MYO3B: variants seen among roughly 807,000 people sequenced by gnomAD.
The protein encoded by MYO3B is myosin-IIIb.
MYO3B carries 156 observed loss-of-function variants against 174.6 expected under a neutral mutation model. That is an observed-to-expected ratio of 0.89 (90% CI 0.78 to 1.02). The LOEUF is 1.02. Among genes scored for constraint, MYO3B ranks in the 50% least tolerant of loss-of-function variants. The probability of loss-of-function intolerance (pLI) is 0.00; values close to 1 mark genes in which losing one functional copy is unlikely to be tolerated. For synonymous variants in MYO3B, 563 were observed against 569.1 expected (o/e 0.99, Z 0.15); for missense variants, 1,632 against 1,639.4 (o/e 1.00, Z 0.08).
At chr2:170,473,139 C>CTTTTTTTTT (rs66837903) in intron 25 of MYO3B, among the ~76,000 whole-genome samples, 18 of 96,450 alleles carry the variant, frequency 1.9e-4, no homozygotes, top group Non-Finnish European at 3.2e-4. Context: ...TTTTTCTTTT[C>CTTTTTTTTT]TTTTTTTTTT....
rs77899803 is a variant in MYO3B at position 170,180,117 on chromosome 2, G to A, written c.2+1828G>A. On this transcript the variant is annotated intron_variant, in intron 1 of 34. Transcript: ENST00000408978. ...GCAAGTTTCTATTTAAATCATGCTC[G>A]CTAGGCTTGACTAACTGCAGACATT... 141 of 404,602 alleles carry A rather than the reference G, an allele frequency of 3.5e-4. 3 individuals are homozygous for A. In the East Asian group the frequency reaches 8.7e-3, roughly 25 times the overall value. The allele number at this position is 404,602 out of a possible 1,614,324, so 25.1% of individuals were successfully genotyped here. A position where few individuals can be genotyped will look rare whatever the true frequency, so the allele number is the denominator to read the frequency against.
In MYO3B at chr2:170,505,184, G is replaced by C. The variant is rs116166529; in HGVS notation, c.3370+3319G>C. 5.5e-3 allele frequency among the ~76,000 whole-genome samples: 838 copies of C among 152,100 alleles called. 9 individuals are homozygous for C. Among genetic ancestry groups the C allele is most frequent in the African/African-American group, 0.019 (770 of 41,458 alleles). The stretch of plus-strand genomic sequence containing the variant: ...AATAAAGGGCCTTTATGAGATGTAG[G>C]GGGGAGAGGGGAGAGGGGAGAGGAA... On this transcript the variant is annotated intron_variant, in intron 28 of 34. Coordinates refer to ENST00000408978, the MANE Select transcript of MYO3B (RefSeq NM_138995.5).
chr2:170,430,979 G>A (rs959994609), intron 22 of MYO3B, among the ~76,000 whole-genome samples: 1 of 152,192 alleles, frequency 6.6e-6, no homozygotes, highest in Non-Finnish European at 1.5e-5. Context: ...TACATCCTTT[G>A]CCTAAATTAT....
At chr2:170,483,418 G>T (rs1177650736) in intron 25 of MYO3B, among the ~76,000 whole-genome samples, 1 of 91,594 alleles carries the variant, frequency 1.1e-5, no homozygotes, top group African/African-American at 7.5e-5. Context: ...ACGGAGTCTA[G>T]CTCTGTCGCC....
At chr2:170,304,599 G>A (rs1387168337) in intron 7 of MYO3B, among the ~76,000 whole-genome samples, 1 of 151,134 alleles carries the variant, frequency 6.6e-6, no homozygotes, top group East Asian at 1.9e-4. Flanking sequence ...CGAGTAGCTG[G>A]GATTATATAG....
At chr2:170,618,271 AG>A (rs542830394) in intron 32 of MYO3B, among the ~76,000 whole-genome samples, 70 of 152,256 alleles carry the variant, frequency 4.6e-4, no homozygotes, top group African/African-American at 1.7e-3. Flanking sequence ...GAATAAGAGG[AG>A]GAAAAGGAAT....
chr2:170,374,515 C>A (rs1220402693), intron 9 of MYO3B, among the ~76,000 whole-genome samples: 1 of 152,112 alleles, frequency 6.6e-6, no homozygotes, highest in East Asian at 1.9e-4. Context: ...GGTTGAGGAA[C>A]TCTTAGATCA....
At chr2:170,278,742 A>G (rs2093482122) in intron 7 of MYO3B, among the ~76,000 whole-genome samples, 1 of 150,058 alleles carries the variant, frequency 6.7e-6, no homozygotes, top group East Asian at 1.9e-4. Context: ...CCATTAACCA[A>G]CCTCTCTTCC....
intron 7 of MYO3B, among the ~76,000 whole-genome samples, chr2:170,241,763 C>CTGAGTCCTCT (rs2093136633): frequency 6.6e-6 from 1 of 151,990 alleles, no homozygotes; most frequent in African/African-American, 2.4e-5. Flanking sequence ...GGACTCAGTG[C>CTGAGTCCTCT]CTACAATCGA....
rs1016286373 is a variant in MYO3B, at chr2:170,508,130, C to T, written c.3370+6265C>T. 2.0e-5 allele frequency among the ~76,000 whole-genome samples: 3 copies of T among 152,198 alleles called. No individual in the cohort carries two copies. The South Asian group carries it at 6.2e-4, about 32-fold the overall frequency. On this transcript the variant is annotated intron_variant, in intron 28 of 34. Transcript: ENST00000408978. ...AAACTTTTGTGCAACAGTAGGTACC[C>T]CTAGGACTCGATATTATAACTTCAG...
intron 31 of MYO3B, 77 bp downstream of exon 31, chr2:170,543,043 G>A: frequency 1.6e-6 from 2 of 1,220,540 alleles, no homozygotes; most frequent in Non-Finnish European, 2.4e-6. Flanking sequence ...CATGAAGCTT[G>A]TCTGCGGCTG....
At chr2:170,459,965 C>T (rs529015993) in intron 23 of MYO3B, among the ~76,000 whole-genome samples, 7 of 152,126 alleles carry the variant, frequency 4.6e-5, no homozygotes, top group East Asian at 1.9e-4. Flanking sequence ...CATGCTGGCT[C>T]TCAAGGGACG....
In MYO3B at chr2:170,180,364, G is replaced by A. The variant is rs114816330; in HGVS notation, c.2+2075G>A. ...ATGGGTTACAAGGACAGACAGCAAA[G>A]CTTAGCAGGCCTCAGAGGGCCAAGA... On this transcript the variant is annotated intron_variant, in intron 1 of 34. Transcript: ENST00000408978. 3.1e-3 allele frequency among the ~76,000 whole-genome samples: 467 copies of A among 152,302 alleles called. 3 individuals are homozygous for A. Among genetic ancestry groups the A allele is most frequent in the African/African-American group, 0.01 (428 of 41,562 alleles).
intron 25 of MYO3B, among the ~76,000 whole-genome samples, chr2:170,487,841 G>A (rs902542452): frequency 2.0e-5 from 3 of 152,082 alleles, no homozygotes; most frequent in Admixed American, 1.3e-4. Context: ...AAAATGAGAG[G>A]TGCAAATAAA....
intron 28 of MYO3B, among the ~76,000 whole-genome samples, chr2:170,504,456 G>A (rs1687492708): frequency 6.6e-6 from 1 of 152,192 alleles, no homozygotes. Flanking sequence ...AAGCAGCCGT[G>A]CGGCTTATCC....
At chr2:170,246,233 C>T (rs978728219) in intron 7 of MYO3B, among the ~76,000 whole-genome samples, 2 of 152,074 alleles carry the variant, frequency 1.3e-5, no homozygotes, top group Non-Finnish European at 2.9e-5. Context: ...ATTCCCACCC[C>T]ATGGTTGATA....
At chr2:170,447,723 A>G (rs1268384493) in intron 23 of MYO3B, among the ~76,000 whole-genome samples, 1 of 152,348 alleles carries the variant, frequency 6.6e-6, no homozygotes, top group South Asian at 2.1e-4. Context: ...AATTCACACA[A>G]TGCTGGCTGC....
intron 6 of MYO3B, among the ~76,000 whole-genome samples, chr2:170,233,576 T>C (rs1255728261): frequency 6.6e-6 from 1 of 152,200 alleles, no homozygotes; most frequent in Non-Finnish European, 1.5e-5. Context: ...AAACTGGAAT[T>C]GTTTGAACTT....
chr2:170,605,068 G>A (rs899575759), intron 32 of MYO3B, among the ~76,000 whole-genome samples: 3 of 152,042 alleles, frequency 2.0e-5, no homozygotes, highest in Non-Finnish European at 2.9e-5. Flanking sequence ...GGGTCCTACC[G>A]CTCTCCTGAA....
Sources: gnomAD v4.1 joint callset for allele counts (sites outside exome capture counted in the v4.1 genomes callset) on GRCh38, gnomAD v4.1.1 for gene constraint, MANE v1.5 for transcripts, NCBI Gene and HGNC (gene_info 2026-07-23, HGNC 2026-07-21) for gene names.